NFIA: variants seen among roughly 807,000 people sequenced by gnomAD.
NFIA encodes nuclear factor 1 A-type.
NFIA carries 8 observed loss-of-function variants against 62.8 expected under a neutral mutation model. That is an observed-to-expected ratio of 0.13 (90% CI 0.07 to 0.23). NFIA has a LOEUF of 0.23. Among genes scored for constraint, NFIA ranks in the 10% least tolerant of loss-of-function variants. The probability of loss-of-function intolerance (pLI) is 1.00; values close to 1 mark genes in which losing one functional copy is unlikely to be tolerated. For missense variants in NFIA, 410 were observed against 642.1 expected (o/e 0.64, Z 3.91); for synonymous variants, 235 against 238.1 (o/e 0.99, Z 0.12).
chr1:61,173,386 C>T (rs558370618), intron 2 of NFIA, among the ~76,000 whole-genome samples: 37 of 152,134 alleles, frequency 2.4e-4, no homozygotes, highest in South Asian at 4.2e-4. Flanking sequence ...TTATTTTCTT[C>T]TCTTTTCTTT....
In NFIA at chr1:61,364,238, C is replaced by T. The variant is rs990721572; in HGVS notation, c.946+4964C>T. 2.6e-5 allele frequency among the ~76,000 whole-genome samples: 4 copies of T among 152,216 alleles called. 1 individual carries two copies. The highest frequency in any genetic ancestry group is 4.2e-4 in the South Asian group (2 of 4,818). ...TGGGATTACCAGTGTGAGCCCACCA[C>T]GCCAGGCCATCTCTCTGCTATTATT... is the stretch of plus-strand genomic sequence containing the variant. On this transcript the variant is annotated intron_variant, in intron 6 of 10. Coordinates refer to ENST00000403491, the MANE Select transcript of NFIA (RefSeq NM_001134673.4).
rs181235662 is a variant in NFIA, at chr1:61,362,970, G to A, written c.946+3696G>A. 2.5e-4 allele frequency among the ~76,000 whole-genome samples: 38 copies of A among 152,234 alleles called. 1 individual carries two copies. The highest frequency in any genetic ancestry group is 1.2e-3 in the Admixed American group (19 of 15,280). On this transcript the variant is annotated intron_variant, in intron 6 of 10. Coordinates refer to ENST00000403491, the MANE Select transcript of NFIA (RefSeq NM_001134673.4). Reference sequence around the variant, plus strand: ...AACAGGAAAGAAACCAATACACAGCGCCCACATTGGGTCAGACACTCATGT... The same window carrying A: ...AACAGGAAAGAAACCAATACACAGCACCCACATTGGGTCAGACACTCATGT...
Position 61,251,421 on chromosome 1 carries a change from G to A in NFIA, c.560-26099G>A, listed in dbSNP as rs201833228. The A allele has an allele frequency of 2.0e-5, 3 of 152,212 alleles. No homozygotes were observed. In the East Asian group the frequency reaches 5.8e-4, roughly 29 times the overall value. 9.4% of individuals were successfully genotyped at this position (152,212 alleles called of 1,614,324 possible). On this transcript the variant is annotated intron_variant, in intron 2 of 10. Coordinates refer to ENST00000403491, the MANE Select transcript of NFIA (RefSeq NM_001134673.4). ...TTGCAAAAGTTGCTGGGAAAGTTAT[G>A]TATATATAAATCACTTTATTTTTAT...
At chr1:61,191,119 ACAATG>A (rs1355865651) in intron 2 of NFIA, among the ~76,000 whole-genome samples, 2 of 152,012 alleles carry the variant, frequency 1.3e-5, no homozygotes, top group East Asian at 3.9e-4. Flanking sequence ...GCTCAATGTT[ACAATG>A]CTTAGCTACA....
At chr1:61,213,628 C>A (rs1250110912) in intron 2 of NFIA, among the ~76,000 whole-genome samples, 1 of 152,204 alleles carries the variant, frequency 6.6e-6, no homozygotes, top group African/African-American at 2.4e-5. Context: ...CTTGGTACCA[C>A]ATACTGTATG....
intron 2 of NFIA, among the ~76,000 whole-genome samples, chr1:61,274,038 G>A (rs966419001): frequency 2.6e-5 from 4 of 152,186 alleles, no homozygotes; most frequent in Admixed American, 2.0e-4. Flanking sequence ...TCCAGTACAA[G>A]GTTTCCGTTC....
intron 6 of NFIA, among the ~76,000 whole-genome samples, chr1:61,361,882 C>T (rs1042930862): frequency 6.6e-5 from 10 of 151,508 alleles, no homozygotes; most frequent in Non-Finnish European, 1.3e-4. Flanking sequence ...TGGACTGACT[C>T]TCCATTCTCT....
At chr1:61,410,911 A>T (rs1411145163) in intron 9 of NFIA, among the ~76,000 whole-genome samples, 1 of 152,126 alleles carries the variant, frequency 6.6e-6, no homozygotes, top group Non-Finnish European at 1.5e-5. Context: ...TGTTTCAAAA[A>T]ATATATATAA....
chr1:61,189,626 C>G (rs991018440), intron 2 of NFIA, among the ~76,000 whole-genome samples: 1 of 152,130 alleles, frequency 6.6e-6, no homozygotes. Context: ...GATCGGGCCA[C>G]TGCACTCCAG....
At chr1:61,190,164 TC>T (rs1238107303) in intron 2 of NFIA, among the ~76,000 whole-genome samples, 1 of 152,022 alleles carries the variant, frequency 6.6e-6, no homozygotes, top group African/African-American at 2.4e-5. Flanking sequence ...TGGTACTATT[TC>T]CCCCCATGTT....
chr1:61,336,731 G>T (rs1474832268), intron 4 of NFIA, among the ~76,000 whole-genome samples: 1 of 152,086 alleles, frequency 6.6e-6, no homozygotes, highest in African/African-American at 2.4e-5. Flanking sequence ...CTTTCACTTA[G>T]ATGTTTTTGA....
rs371399879 is a variant in NFIA at position 61,328,830 on chromosome 1, C to G, written c.626-3682C>G. Among the ~76,000 whole-genome samples, 53 of 148,238 alleles carry G rather than the reference C, an allele frequency of 3.6e-4. No individual in the cohort carries two copies. The East Asian group carries it at 5.9e-3, about 16-fold the overall frequency. On this transcript the variant is annotated intron_variant, in intron 3 of 10. Coordinates refer to ENST00000403491, the MANE Select transcript of NFIA (RefSeq NM_001134673.4). The stretch of plus-strand genomic sequence containing the variant: ...CTTTGCCTCTTGGGTTCAAATGATT[C>G]TCCTGCCTCAGCTTCCTGAATAGCT...
intron 2 of NFIA, among the ~76,000 whole-genome samples, chr1:61,101,098 A>G (rs1316672491): frequency 6.6e-6 from 1 of 152,118 alleles, no homozygotes; most frequent in Non-Finnish European, 1.5e-5. Context: ...GCTTTCTATT[A>G]TTTAATAGTT....
chr1:61,154,253 C>T (rs1484889323), intron 2 of NFIA, among the ~76,000 whole-genome samples: 2 of 152,106 alleles, frequency 1.3e-5, no homozygotes, highest in Non-Finnish European at 2.9e-5. Flanking sequence ...GGCTCACCGC[C>T]TCCCAGATTC....
intron 2 of NFIA, among the ~76,000 whole-genome samples, chr1:61,089,773 C>T (rs541001680): frequency 4.0e-4 from 49 of 122,606 alleles, no homozygotes; most frequent in African/African-American, 1.5e-3. Flanking sequence ...ATTTTTAATT[C>T]TAAAAATGTT....
intron 10 of NFIA, among the ~76,000 whole-genome samples, chr1:61,441,030 G>A (rs895607510): frequency 2.0e-5 from 3 of 152,130 alleles, no homozygotes; most frequent in Admixed American, 6.5e-5. Flanking sequence ...AAAGCCTGGG[G>A]AACTGAAACA....
chr1:61,254,575 G>GA (rs1157922866), intron 2 of NFIA, among the ~76,000 whole-genome samples: 5 of 151,870 alleles, frequency 3.3e-5, no homozygotes, highest in African/African-American at 7.2e-5. Context: ...GGAGCCATGT[G>GA]AAAAAAAATA....
At chr1:61,090,546 A>G (rs1231295441) in intron 2 of NFIA, among the ~76,000 whole-genome samples, 2 of 152,170 alleles carry the variant, frequency 1.3e-5, no homozygotes, top group Non-Finnish European at 2.9e-5. Flanking sequence ...TTGGTTTGTT[A>G]CTGTGCTATT....
At chr1:61,329,049 CTT>C (rs369972455) in intron 3 of NFIA, among the ~76,000 whole-genome samples, 6 of 122,412 alleles carry the variant, frequency 4.9e-5, no homozygotes, top group Admixed American at 8.4e-5. Context: ...TTCTTTTTTT[CTT>C]TTTTTTTTTT....
Sources: allele counts gnomAD v4.1 joint callset (sites outside exome capture counted in the v4.1 genomes callset), GRCh38; gene constraint gnomAD v4.1.1; transcripts MANE v1.5; gene names NCBI Gene and HGNC (gene_info 2026-07-23, HGNC 2026-07-21).